The following DNAH3 variants were observed in gnomAD, a reference collection of about 807,000 sequenced individuals.
The protein encoded by DNAH3 is axonemal beta dynein heavy chain 3.
A neutral mutation model predicts 432.5 loss-of-function variants in DNAH3; 332 were observed. That is an observed-to-expected ratio of 0.77 (90% confidence interval 0.70 to 0.84). The LOEUF (loss-of-function observed/expected upper bound fraction) is 0.84, where lower values mean the gene tolerates loss of function less well. DNAH3 is among the 40% of genes least tolerant of loss of function. DNAH3 has a pLI of 0.00. For synonymous variants in DNAH3, 1,956 were observed against 1,900.2 expected, an observed-to-expected ratio of 1.03 and a Z score of -0.76; for missense variants, 4,861 against 5,114.0, an observed-to-expected ratio of 0.95 and a Z score of 1.51.
chr16:21,122,445 T>C (rs1044612953), intron 9 of DNAH3, among the ~76,000 whole-genome samples: 3 of 152,100 alleles, frequency 2.0e-5, no homozygotes, highest in Admixed American at 6.5e-5. Context: ...TAATCCTAGC[T>C]ACTTGAGAGG....
chr16:21,063,330 G>A (rs1024189849), intron 24 of DNAH3, among the ~76,000 whole-genome samples: 6 of 151,990 alleles, frequency 3.9e-5, no homozygotes, highest in Admixed American at 3.9e-4. Flanking sequence ...AGAACCACTG[G>A]GTAGGGGCAG....
At chr16:21,140,552 G>T in exon 5 of DNAH3, 1 of 1,614,034 alleles carries the variant, frequency 6.2e-7, no homozygotes, top group Non-Finnish European at 8.5e-7. Flanking sequence ...GTCCGATTCA[G>T]ATGGCTTCTT....
chr16:21,032,805 TTAAA>T (rs1375588628), intron 36 of DNAH3, among the ~76,000 whole-genome samples: 21 of 152,022 alleles, frequency 1.4e-4, no homozygotes, highest in Non-Finnish European at 2.9e-5. Flanking sequence ...TTAAAAATAA[TTAAA>T]TAAATAAAAA....
exon 53 of DNAH3, chr16:20,964,994 G>A: frequency 6.2e-7 from 1 of 1,614,136 alleles, no homozygotes. Flanking sequence ...GCCCTGACCA[G>A]CTTTTGGGAG....
chr16:21,053,744 A>T (rs939984632), intron 28 of DNAH3, among the ~76,000 whole-genome samples: 1 of 152,130 alleles, frequency 6.6e-6, no homozygotes, highest in African/African-American at 2.4e-5. Flanking sequence ...TTCCCAAGCA[A>T]CCAGCCTGGT....
intron 3 of DNAH3, among the ~76,000 whole-genome samples, chr16:21,143,468 T>C (rs1363167383): frequency 6.6e-6 from 1 of 152,200 alleles, no homozygotes; most frequent in African/African-American, 2.4e-5. Flanking sequence ...AATCTGTTGG[T>C]ACCTTGATCT....
exon 53 of DNAH3, chr16:20,965,121 C>T: frequency 6.2e-7 from 1 of 1,614,178 alleles, no homozygotes; most frequent in South Asian, 1.1e-5. Context: ...TCTGGTTCAG[C>T]TTCTGCATCT....
intron 59 of DNAH3, among the ~76,000 whole-genome samples, chr16:20,940,853 C>T (rs973069552): frequency 3.9e-5 from 6 of 152,256 alleles, no homozygotes; most frequent in South Asian, 4.1e-4. Context: ...CACCACTTTA[C>T]GAGGCCAAGG....
At chr16:21,024,960 T>C (rs530778299) in intron 38 of DNAH3, among the ~76,000 whole-genome samples, 3 of 152,222 alleles carry the variant, frequency 2.0e-5, no homozygotes, top group African/African-American at 7.2e-5. Flanking sequence ...TGTCTTGCTC[T>C]GTTGCCCAGG....
intron 1 of DNAH3, among the ~76,000 whole-genome samples, chr16:21,152,542 T>C (rs1420851526): frequency 6.6e-6 from 1 of 152,238 alleles, no homozygotes; most frequent in African/African-American, 2.4e-5. Context: ...GAGAGCTCCT[T>C]TCTGGGCTGG....
Position 21,130,303 on chromosome 16 carries a change from C to CT in DNAH3, c.1083-2492dup, listed in dbSNP as rs59707842. 8.2e-3 allele frequency among the ~76,000 whole-genome samples: 1,095 copies of CT among 133,394 alleles called. 20 individuals are homozygous for CT. The highest frequency in any genetic ancestry group is 0.025 in the African/African-American group (885 of 36,026). The allele number at this position is 133,394 out of a possible 152,430, so 87.5% of individuals were successfully genotyped here. A position where few individuals can be genotyped will look rare whatever the true frequency, so the allele number is the denominator to read the frequency against. On this transcript the variant is annotated intron_variant, in intron 7 of 61. Coordinates refer to ENST00000261383, the Ensembl canonical transcript of DNAH3. The stretch of plus-strand genomic sequence containing the variant: ...TAAAAAGCTCTCATCAAGCCCTCCA[C>CT]TTTTTTTTTTTTTTTTTTCTTGAGA...
At chr16:21,130,091 G>GAAAAA (rs58706051) in intron 7 of DNAH3, 7 of 79,148 alleles carry the variant, frequency 8.8e-5, no homozygotes, top group East Asian at 3.6e-4. Context: ...CTAAATAAAT[G>GAAAAA]AAAAAAAAAA....
intron 28 of DNAH3, among the ~76,000 whole-genome samples, chr16:21,052,892 A>G (rs1045850100): frequency 9.2e-5 from 14 of 152,284 alleles, no homozygotes; most frequent in South Asian, 6.2e-4. Flanking sequence ...ATCCATGGTT[A>G]GATGTATCCT....
chr16:21,116,714 A>G (rs931024535), intron 12 of DNAH3, among the ~76,000 whole-genome samples: 3 of 152,192 alleles, frequency 2.0e-5, no homozygotes, highest in African/African-American at 7.2e-5. Context: ...CTCGATCCCC[A>G]AATCCAAAAA....
chr16:20,953,010 G>A (rs1217653641), intron 55 of DNAH3, among the ~76,000 whole-genome samples: 1 of 152,188 alleles, frequency 6.6e-6, no homozygotes, highest in Non-Finnish European at 1.5e-5. Context: ...TTCCAAGGGT[G>A]TAATGATAAA....
At position 20,985,423 on chromosome 16, in the gene DNAH3, C is replaced by T. The variant is rs141200586; in HGVS notation, c.7319G>A (p.Arg2440Gln). Residue 2440 changes from arginine (R) to glutamine (Q), a missense_variant, in exon 48 of 62, where the codon CGG (arginine) becomes CAG (glutamine). Coordinates refer to ENST00000261383, the Ensembl canonical transcript of DNAH3. ...TGTGGACAGTTTGGCGGCACTTTGC[C>T]GCCCGCTGCCCCCTATGCCCACCAG... The T allele has an allele frequency of 4.2e-5, 67 of 1,614,056 alleles. No homozygotes were observed. The highest frequency in any genetic ancestry group is 5.0e-5 in the Non-Finnish European group (59 of 1,180,032).
At chr16:21,154,939 TTTTC>T (rs1427218981) in intron 1 of DNAH3, among the ~76,000 whole-genome samples, 23 of 149,996 alleles carry the variant, frequency 1.5e-4, no homozygotes, top group East Asian at 7.8e-4. Context: ...TCAATCTTCT[TTTTC>T]TTTCTTTCTT....
intron 31 of DNAH3, among the ~76,000 whole-genome samples, chr16:21,048,572 T>C (rs927706098): frequency 5.3e-5 from 8 of 152,194 alleles, no homozygotes; most frequent in African/African-American, 1.9e-4. Context: ...CTGCGCCCAC[T>C]GTCTGGCACT....
intron 22 of DNAH3, 44 bp downstream of exon 22, chr16:21,070,666 A>G: frequency 3.1e-6 from 4 of 1,283,000 alleles, no homozygotes; most frequent in Non-Finnish European, 4.5e-6. Flanking sequence ...AGAAACCCAG[A>G]GCTAACGAAA....
Sources: gnomAD v4.1 joint callset for allele counts (sites outside exome capture counted in the v4.1 genomes callset) on GRCh38, gnomAD v4.1.1 for gene constraint, MANE v1.5 for transcripts, NCBI Gene and HGNC (gene_info 2026-07-23, HGNC 2026-07-21) for gene names.